RNF115: variants seen among roughly 807,000 people sequenced by gnomAD.
RNF115 encodes E3 ubiquitin-protein ligase RNF115.
Under a neutral mutation model 39.2 loss-of-function variants are expected in RNF115, and 31 were observed. That is an observed-to-expected ratio of 0.79 (90% CI 0.59 to 1.07). The LOEUF is 1.07. RNF115 is among the 50% of genes least tolerant of loss of function. The pLI is 0.00. For missense variants in RNF115, 384 were observed against 381.7 expected, an observed-to-expected ratio of 1.01 and a Z score of -0.05; for synonymous variants, 124 against 131.0, an observed-to-expected ratio of 0.95 and a Z score of 0.37.
chr1:145,747,071 C>A (rs1016270982), intron 8 of RNF115, 74 bp from the exon 9 acceptor site: 9 of 1,437,404 alleles, frequency 6.3e-6, no homozygotes, highest in Non-Finnish European at 8.5e-6. Flanking sequence ...CTTAAATAAC[C>A]CTGAGAATTG....
At chr1:145,782,119 G>A (rs1433455050) in intron 3 of RNF115, among the ~76,000 whole-genome samples, 2 of 152,018 alleles carry the variant, frequency 1.3e-5, no homozygotes, top group African/African-American at 4.8e-5. Flanking sequence ...TGGCCAGGCT[G>A]GTCTTGAACT....
intron 1 of RNF115, among the ~76,000 whole-genome samples, chr1:145,809,210 A>AC (rs1491511897): frequency 7.1e-6 from 1 of 141,712 alleles, no homozygotes; most frequent in Admixed American, 7.2e-5. Context: ...TTTTTGAGAC[A>AC]GAGTCTCACT....
At chr1:145,811,932 TACACACACAC>T (rs1312542136) in intron 1 of RNF115, among the ~76,000 whole-genome samples, 1 of 74,706 alleles carries the variant, frequency 1.3e-5, no homozygotes, top group African/African-American at 4.6e-5. Flanking sequence ...TATATATATA[TACACACACAC>T]ACATATATGT....
chr1:145,747,587 G>A (rs756800305), intron 8 of RNF115, among the ~76,000 whole-genome samples: 8 of 152,150 alleles, frequency 5.3e-5, no homozygotes, highest in Non-Finnish European at 8.8e-5. Context: ...AGGTTTCAGT[G>A]AGCTGAGATC....
chr1:145,814,970 T>A (rs192684586), intron 1 of RNF115, among the ~76,000 whole-genome samples: 4 of 152,250 alleles, frequency 2.6e-5, no homozygotes, highest in Non-Finnish European at 5.9e-5. Flanking sequence ...TATCAATCAT[T>A]CAATTAAAAA....
intron 2 of RNF115, 21 bp from the exon 3 acceptor site, chr1:145,784,617 T>G (rs1553717900): frequency 6.2e-7 from 1 of 1,610,330 alleles, no homozygotes; most frequent in Non-Finnish European, 8.5e-7. Context: ...AAGGAATGAG[T>G]GGTGATTCTA....
At chr1:145,787,176 A>G in intron 2 of RNF115, 2 of 456,532 alleles carry the variant, frequency 4.4e-6, no homozygotes, top group South Asian at 3.4e-5. Context: ...GTACTTCTTC[A>G]ATTTTCAGAC....
Position 145,745,153 on chromosome 1 carries a change from TTA to T in RNF115, c.*1711_*1712del, listed in dbSNP as rs1283792181. The T allele has an allele frequency of 6.6e-6, 1 of 152,160 alleles. No individual in the cohort carries two copies. The highest frequency in any genetic ancestry group is 1.5e-5 in the Non-Finnish European group (1 of 68,024). The allele number at this position is 152,160 out of a possible 1,614,324, so 9.4% of individuals were successfully genotyped here. A position where few individuals can be genotyped will look rare whatever the true frequency, so the allele number is the denominator to read the frequency against. ...ACTGTCTCTATTTCTGTGAGGCAAA[TTA>T]TTTTAAGATTACTAGGAAAAAAGAC... On this transcript the variant is annotated 3_prime_UTR_variant, in exon 9 of 9. Coordinates refer to ENST00000582693, the MANE Select transcript of RNF115 (RefSeq NM_014455.4).
At chr1:145,793,420 A>C (rs990424867) in intron 1 of RNF115, among the ~76,000 whole-genome samples, 28 of 152,180 alleles carry the variant, frequency 1.8e-4, no homozygotes, top group Non-Finnish European at 3.2e-4. Flanking sequence ...CTAATGTCTA[A>C]AATTAAATTC....
At chr1:145,754,941 A>G (rs1354660920) in intron 4 of RNF115, among the ~76,000 whole-genome samples, 1 of 152,068 alleles carries the variant, frequency 6.6e-6, no homozygotes, top group African/African-American at 2.4e-5. Context: ...TTCCAAGACA[A>G]GGTAAAAAAA....
At chr1:145,798,111 T>C (rs1206973382) in intron 1 of RNF115, among the ~76,000 whole-genome samples, 3 of 152,204 alleles carry the variant, frequency 2.0e-5, no homozygotes, top group Non-Finnish European at 2.9e-5. Flanking sequence ...TTCAAGTTGA[T>C]TGTGTTCATT....
Position 145,746,604 on chromosome 1 carries a change from CG to C in RNF115, c.*261del, listed in dbSNP as rs1160533294. The C allele has an allele frequency of 8.0e-6, 3 of 374,738 alleles. No homozygotes were observed. The highest frequency in any genetic ancestry group is 5.1e-5 in the East Asian group (1 of 19,710). The allele number at this position is 374,738 out of a possible 1,614,324, so 23.2% of individuals were successfully genotyped here. A position where few individuals can be genotyped will look rare whatever the true frequency, so the allele number is the denominator to read the frequency against. ...CTTTAAGGAATTAATTCTATTCAGA[CG>C]GGGGGAGCCCTACATAATTAAGTTT... On this transcript the variant is annotated 3_prime_UTR_variant, in exon 9 of 9. Transcript: ENST00000582693.
chr1:145,788,391 A>T (rs1003672096), intron 2 of RNF115, among the ~76,000 whole-genome samples: 5 of 152,126 alleles, frequency 3.3e-5, no homozygotes, highest in Non-Finnish European at 7.4e-5. Flanking sequence ...AAATAACCTT[A>T]ATAAGAACAA....
intron 4 of RNF115, among the ~76,000 whole-genome samples, chr1:145,765,950 G>A (rs1246981155): frequency 2.0e-5 from 3 of 151,714 alleles, no homozygotes; most frequent in Non-Finnish European, 4.4e-5. Flanking sequence ...ATCCCACAAA[G>A]GCTAATCTCT....
At chr1:145,767,300 GC>G in intron 4 of RNF115, among the ~76,000 whole-genome samples, 1 of 142,952 alleles carries the variant, frequency 7.0e-6, no homozygotes, top group Admixed American at 7.0e-5. Flanking sequence ...CTCAGACAGG[GC>G]AGTTGCCAGG....
intron 4 of RNF115, among the ~76,000 whole-genome samples, chr1:145,757,938 A>G (rs142568404): frequency 1.3e-5 from 2 of 152,204 alleles, no homozygotes; most frequent in East Asian, 3.8e-4. Context: ...CTATATTTCA[A>G]GCTGATGCTA....
chr1:145,765,905 A>G (rs1647232718), intron 4 of RNF115, among the ~76,000 whole-genome samples: 1 of 152,244 alleles, frequency 6.6e-6, no homozygotes, highest in Non-Finnish European at 1.5e-5. Flanking sequence ...CATTTCAGGG[A>G]AACTTATTAA....
At chr1:145,770,887 C>T (rs587632858) in intron 4 of RNF115, among the ~76,000 whole-genome samples, 1 of 152,266 alleles carries the variant, frequency 6.6e-6, no homozygotes, top group Admixed American at 6.5e-5. Context: ...ATACAAAAGA[C>T]ACTCAACAAA....
intron 3 of RNF115, chr1:145,772,985 G>A (rs1316989063): frequency 1.3e-5 from 2 of 152,006 alleles, no homozygotes; most frequent in Non-Finnish European, 2.9e-5. Flanking sequence ...ATCTTTTGTT[G>A]AGCTCCCCTA....
Sources: gnomAD v4.1 joint callset for allele counts (sites outside exome capture counted in the v4.1 genomes callset) on GRCh38, gnomAD v4.1.1 for gene constraint, MANE v1.5 for transcripts, NCBI Gene and HGNC (gene_info 2026-07-23, HGNC 2026-07-21) for gene names.